Variants in IGFL2 observed in about 807,000 individuals in gnomAD.
IGFL2 encodes the protein insulin growth factor-like family member 2.
In IGFL2, 7 loss-of-function variants were observed where a neutral mutation model predicts 13.9. That is an observed-to-expected ratio of 0.51 (90% CI 0.29 to 0.95). The LOEUF (loss-of-function observed/expected upper bound fraction) is 0.95, where lower values mean the gene tolerates loss of function less well. IGFL2 is among the 40% of genes least tolerant of loss of function. The probability of loss-of-function intolerance (pLI) is 0.08; values close to 1 mark genes in which losing one functional copy is unlikely to be tolerated. For synonymous variants in IGFL2, 55 were observed against 55.8 expected (o/e 0.99, Z 0.07); for missense variants, 138 against 147.8 (o/e 0.93, Z 0.34).
the IGFL2 span, among the ~76,000 whole-genome samples, chr19:46,199,031 G>A: frequency 6.6e-6 from 1 of 152,218 alleles, no homozygotes; most frequent in African/African-American, 2.4e-5. Flanking sequence ...CCCCACCGAG[G>A]AACCCTGGGA....
chr19:46,108,252 A>G, the IGFL2 span, among the ~76,000 whole-genome samples: 1 of 152,010 alleles, frequency 6.6e-6, no homozygotes, highest in African/African-American at 2.4e-5. Flanking sequence ...AGGATTTGGG[A>G]TGGGTCGCAT....
At chr19:46,154,801 T>A (rs1252030673) in intron 1 of IGFL2, among the ~76,000 whole-genome samples, 1 of 152,142 alleles carries the variant, frequency 6.6e-6, no homozygotes, top group Non-Finnish European at 1.5e-5. Flanking sequence ...CTCTTCTTGG[T>A]TTTTTAGCAC....
At chr19:46,182,694 G>A in the IGFL2 span, among the ~76,000 whole-genome samples, 1 of 152,178 alleles carries the variant, frequency 6.6e-6, no homozygotes, top group Non-Finnish European at 1.5e-5. Context: ...TGTTGCATGT[G>A]TCAGATCGTC....
chr19:46,191,800 T>A, the IGFL2 span, among the ~76,000 whole-genome samples: 1 of 152,184 alleles, frequency 6.6e-6, no homozygotes. Context: ...ATATTAGCTC[T>A]CTTCTCCCCC....
At chr19:46,105,152 A>C in the IGFL2 span, among the ~76,000 whole-genome samples, 1 of 152,206 alleles carries the variant, frequency 6.6e-6, no homozygotes, top group South Asian at 2.1e-4. Flanking sequence ...AGTTTTTATT[A>C]AAGATGCATT....
chr19:46,185,557 G>A, the IGFL2 span, among the ~76,000 whole-genome samples: 1 of 152,340 alleles, frequency 6.6e-6, no homozygotes, highest in Admixed American at 6.5e-5. Flanking sequence ...GTCACACAGC[G>A]TGGTCAGAGC....
the IGFL2 span, chr19:46,214,870 CAG>C: frequency 6.8e-6 from 1 of 148,036 alleles, no homozygotes; most frequent in Admixed American, 6.9e-5. Flanking sequence ...CACAGAAAAA[CAG>C]AAGCAAACAC....
At chr19:46,177,146 C>A in the IGFL2 span, among the ~76,000 whole-genome samples, 1 of 152,050 alleles carries the variant, frequency 6.6e-6, no homozygotes, top group East Asian at 1.9e-4. Context: ...CCTGTAGTTA[C>A]AGCTACTCGG....
the IGFL2 span, among the ~76,000 whole-genome samples, chr19:46,127,564 A>G: frequency 1.3e-5 from 2 of 152,286 alleles, no homozygotes; most frequent in East Asian, 1.9e-4. Flanking sequence ...AAAATTATCA[A>G]TCCTCCCAGA....
the IGFL2 span, among the ~76,000 whole-genome samples, chr19:46,119,195 A>G: frequency 1.3e-5 from 2 of 152,154 alleles, no homozygotes; most frequent in Non-Finnish European, 2.9e-5. Context: ...AGGGTAGTCC[A>G]AGCTCTCCAG....
the IGFL2 span, chr19:46,124,437 G>T: frequency 2.9e-5 from 36 of 1,260,750 alleles, no homozygotes; most frequent in South Asian, 3.9e-4. Flanking sequence ...TTATCACTTG[G>T]GGCTAAGTCT....
chr19:46,172,861 G>A, the IGFL2 span, among the ~76,000 whole-genome samples: 2 of 152,136 alleles, frequency 1.3e-5, no homozygotes, highest in Non-Finnish European at 2.9e-5. Flanking sequence ...CTACAGACAT[G>A]TGCCACCATG....
chr19:46,173,590 T>A, the IGFL2 span: 10 of 152,292 alleles, frequency 6.6e-5, no homozygotes, highest in African/African-American at 2.2e-4. Context: ...AGGAGAGATG[T>A]CAGACTCAAG....
chr19:46,128,144 G>T, the IGFL2 span, among the ~76,000 whole-genome samples: 1 of 152,202 alleles, frequency 6.6e-6, no homozygotes, highest in South Asian at 2.1e-4. Context: ...GTATGGGAAT[G>T]CTAGTGATTT....
At chr19:46,188,025 C>T in the IGFL2 span, among the ~76,000 whole-genome samples, 3 of 152,202 alleles carry the variant, frequency 2.0e-5, no homozygotes, top group Admixed American at 1.3e-4. Context: ...TTTGAAAAAT[C>T]GGACCTTGGT....
upstream of IGFL2, among the ~76,000 whole-genome samples, chr19:46,139,241 T>C (rs559326250): frequency 6.6e-6 from 1 of 151,452 alleles, no homozygotes; most frequent in East Asian, 1.9e-4. Context: ...GAAGATCTGC[T>C]TGGTGTATGC....
chr19:46,189,415 T>C, the IGFL2 span, among the ~76,000 whole-genome samples: 1 of 152,278 alleles, frequency 6.6e-6, no homozygotes, highest in Non-Finnish European at 1.5e-5. Flanking sequence ...TCTGGATAAC[T>C]GCGGGCAGGC....
At chr19:46,118,253 G>A in the IGFL2 span, among the ~76,000 whole-genome samples, 1 of 152,134 alleles carries the variant, frequency 6.6e-6, no homozygotes, top group Non-Finnish European at 1.5e-5. Context: ...ATAGATGCAG[G>A]TATGTTTGTC....
Position 46,153,033 on chromosome 19 carries a change from C to T in IGFL2, c.19+4736C>T, listed in dbSNP as rs772891936. Among the ~76,000 whole-genome samples the T allele has an allele frequency of 3.3e-5, 5 of 152,186 alleles. No individual in the cohort carries two copies. In the East Asian group the frequency reaches 9.7e-4, roughly 29 times the overall value. ...GTGGGATAAATCCACTTGGTCATGGCGTATCGTTCTTTATATATGCTGCTG... is the reference window on the plus strand; with the variant it reads ...GTGGGATAAATCCACTTGGTCATGGTGTATCGTTCTTTATATATGCTGCTG... On this transcript the variant is annotated intron_variant, in intron 1 of 3. Coordinates refer to ENST00000377693, the MANE Select transcript of IGFL2 (RefSeq NM_001135113.2).
Sources: allele counts gnomAD v4.1 joint callset (sites outside exome capture counted in the v4.1 genomes callset), GRCh38; gene constraint gnomAD v4.1.1; transcripts MANE v1.5; gene names NCBI Gene and HGNC (gene_info 2026-07-23, HGNC 2026-07-21).